Variants in SPIDR observed in about 807,000 individuals in gnomAD.
The protein encoded by SPIDR is scaffold protein involved in DNA repair, also known as DNA repair-scaffolding protein.
SPIDR carries 93 observed loss-of-function variants against 104.6 expected under a neutral mutation model. That is an observed-to-expected ratio of 0.89 (90% CI 0.75 to 1.06). The LOEUF is 1.06. SPIDR is among the 50% of genes least tolerant of loss of function. The pLI is 0.00. For missense variants in SPIDR, 1,154 were observed against 1,111.2 expected (o/e 1.04, Z -0.55); for synonymous variants, 431 against 416.9 (o/e 1.03, Z -0.41).
At chr8:47,473,068 GGCT>G (rs1554721918) in intron 8 of SPIDR, among the ~76,000 whole-genome samples, 3 of 152,110 alleles carry the variant, frequency 2.0e-5, no homozygotes, top group African/African-American at 7.2e-5. Flanking sequence ...CTCTCTCCAG[GGCT>G]GCCGCCTGGA....
intron 8 of SPIDR, among the ~76,000 whole-genome samples, chr8:47,521,934 C>T (rs1385681037): frequency 1.3e-5 from 2 of 151,318 alleles, no homozygotes; most frequent in Non-Finnish European, 2.9e-5. Flanking sequence ...GAGGCGGAGG[C>T]GGGTGGATCA....
At chr8:47,600,282 G>T (rs1217759153) in intron 10 of SPIDR, among the ~76,000 whole-genome samples, 1 of 152,124 alleles carries the variant, frequency 6.6e-6, no homozygotes, top group Non-Finnish European at 1.5e-5. Flanking sequence ...AGGAGCCCTA[G>T]GCAGGCAGGT....
chr8:47,545,844 G>A (rs1354982256), intron 8 of SPIDR, among the ~76,000 whole-genome samples: 1 of 151,974 alleles, frequency 6.6e-6, no homozygotes, highest in East Asian at 1.9e-4. Flanking sequence ...ACATGAGAGG[G>A]TGTTTATTTT....
intron 8 of SPIDR, among the ~76,000 whole-genome samples, chr8:47,545,771 T>G (rs1183793424): frequency 1.3e-5 from 2 of 152,156 alleles, no homozygotes; most frequent in African/African-American, 4.8e-5. Context: ...ATAGGTTTTT[T>G]ATAGATGTTC....
In SPIDR at chr8:47,650,228, C is replaced by G. The variant is rs1421813032; in HGVS notation, c.1545-23573C>G. Among the ~76,000 whole-genome samples, 4 of 152,174 alleles carry G rather than the reference C, an allele frequency of 2.6e-5. No homozygotes were observed. In the East Asian group the frequency reaches 7.7e-4, roughly 29 times the overall value. ...CCCTAAAGACTCCTCCAAAAGACAT[C>G]TAGATTTGATAAACAAATTCAGCAG... On this transcript the variant is annotated intron_variant, in intron 10 of 19. Coordinates refer to ENST00000297423, the MANE Select transcript of SPIDR (RefSeq NM_001080394.4).
chr8:47,633,110 C>T (rs972047007), intron 10 of SPIDR, among the ~76,000 whole-genome samples: 1 of 152,222 alleles, frequency 6.6e-6, no homozygotes, highest in Admixed American at 6.5e-5. Context: ...ACGGAAACTA[C>T]CACTAGTACA....
intron 8 of SPIDR, among the ~76,000 whole-genome samples, chr8:47,449,020 C>T (rs115122934): frequency 3.0e-4 from 45 of 151,884 alleles, no homozygotes; most frequent in African/African-American, 1.1e-3. Flanking sequence ...CCTTTAAAGT[C>T]TGTGGAGGAT....
chr8:47,385,408 G>A (rs1442991163), intron 5 of SPIDR, among the ~76,000 whole-genome samples: 1 of 152,056 alleles, frequency 6.6e-6, no homozygotes, highest in Non-Finnish European at 1.5e-5. Context: ...CCAGTTTTTT[G>A]GTTTTGGGTG....
At position 47,353,097 on chromosome 8, in the gene SPIDR, A is replaced by T. The variant is rs140383570; in HGVS notation, c.526-43279A>T. 3.3e-5 allele frequency among the ~76,000 whole-genome samples: 5 copies of T among 151,766 alleles called. No homozygotes were observed. In the East Asian group the frequency reaches 9.7e-4, roughly 29 times the overall value. ...AAAAGTTATTCTTTCCAAATATGATACAATTTTGTTCAACTTAATTTTGTT... is the reference window on the plus strand; with the variant it reads ...AAAAGTTATTCTTTCCAAATATGATTCAATTTTGTTCAACTTAATTTTGTT... On this transcript the variant is annotated intron_variant, in intron 5 of 19. Coordinates refer to ENST00000297423, the MANE Select transcript of SPIDR (RefSeq NM_001080394.4).
At chr8:47,472,125 T>C (rs1474002874) in intron 8 of SPIDR, among the ~76,000 whole-genome samples, 1 of 152,224 alleles carries the variant, frequency 6.6e-6, no homozygotes, top group Non-Finnish European at 1.5e-5. Context: ...CCATTTTCTA[T>C]ACAGTCTCCC....
At chr8:47,652,400 G>C (rs777883974) in intron 10 of SPIDR, among the ~76,000 whole-genome samples, 42 of 152,222 alleles carry the variant, frequency 2.8e-4, no homozygotes, top group Non-Finnish European at 5.3e-4. Context: ...CCAGTGGAAA[G>C]GGCAGGCTGG....
intron 1 of SPIDR, among the ~76,000 whole-genome samples, chr8:47,265,873 ATGTCTTTATATGG>A (rs2033862116): frequency 6.6e-6 from 1 of 152,088 alleles, no homozygotes; most frequent in African/African-American, 2.4e-5. Context: ...TATTCTTACC[ATGTCTTTATATGG>A]TGGAAGAGGT....
intron 16 of SPIDR, among the ~76,000 whole-genome samples, chr8:47,715,634 A>T (rs1400148582): frequency 6.6e-6 from 1 of 152,248 alleles, no homozygotes; most frequent in Non-Finnish European, 1.5e-5. Flanking sequence ...CAATCAGCAT[A>T]AATGTTTTCA....
At chr8:47,537,174 CAT>C (rs1207722989) in intron 8 of SPIDR, among the ~76,000 whole-genome samples, 3 of 152,212 alleles carry the variant, frequency 2.0e-5, no homozygotes, top group Admixed American at 6.5e-5. Flanking sequence ...CAAAAATACA[CAT>C]ATTCTTACCA....
chr8:47,642,228 C>A (rs2069185053), intron 10 of SPIDR, among the ~76,000 whole-genome samples: 1 of 151,810 alleles, frequency 6.6e-6, no homozygotes, highest in African/African-American at 2.4e-5. Context: ...TCAAGACCAT[C>A]CTGGCTAACA....
At chr8:47,290,260 C>A (rs972708853) in intron 3 of SPIDR, among the ~76,000 whole-genome samples, 2 of 152,084 alleles carry the variant, frequency 1.3e-5, no homozygotes, top group Non-Finnish European at 2.9e-5. Flanking sequence ...CCAGGCTGGT[C>A]TCGATTATAT....
chr8:47,329,278 A>T (rs1214046063), intron 5 of SPIDR, among the ~76,000 whole-genome samples: 1 of 151,730 alleles, frequency 6.6e-6, no homozygotes, highest in East Asian at 1.9e-4. Context: ...TCACCGTGTT[A>T]GCCAGGATGG....
intron 12 of SPIDR, among the ~76,000 whole-genome samples, chr8:47,701,260 C>G (rs1411856178): frequency 2.0e-5 from 3 of 152,192 alleles, no homozygotes; most frequent in Non-Finnish European, 4.4e-5. Flanking sequence ...TGGAGAAACC[C>G]CGTCTCTACT....
chr8:47,718,585 G>A (rs191261282), intron 16 of SPIDR, among the ~76,000 whole-genome samples: 1 of 151,552 alleles, frequency 6.6e-6, no homozygotes, highest in Non-Finnish European at 1.5e-5. Context: ...TAGTCAGGAA[G>A]ATGAATTACT....
Sources: gnomAD v4.1 joint callset for allele counts (sites outside exome capture counted in the v4.1 genomes callset) on GRCh38, gnomAD v4.1.1 for gene constraint, MANE v1.5 for transcripts, NCBI Gene and HGNC (gene_info 2026-07-23, HGNC 2026-07-21) for gene names.